The following ARHGAP32 variants were observed in gnomAD, a reference collection of about 807,000 sequenced individuals.
ARHGAP32 encodes rho GTPase-activating protein 32.
In ARHGAP32, 51 loss-of-function variants were observed where a neutral mutation model predicts 186.5. That is an observed-to-expected ratio of 0.27 (90% confidence interval 0.22 to 0.35). ARHGAP32 has a LOEUF of 0.35. ARHGAP32 is among the 10% of genes least tolerant of loss of function. The pLI is 1.00. For synonymous variants in ARHGAP32, 950 were observed against 964.3 expected (o/e 0.99, Z 0.27); for missense variants, 2,186 against 2,623.5 (o/e 0.83, Z 3.64).
At chr11:129,167,575 T>C (rs1565452951) in intron 1 of ARHGAP32, among the ~76,000 whole-genome samples, 1 of 152,188 alleles carries the variant, frequency 6.6e-6, no homozygotes, top group African/African-American at 2.4e-5. Context: ...ACCACAGGGA[T>C]AAACATTGAA....
intron 2 of ARHGAP32, among the ~76,000 whole-genome samples, chr11:129,154,066 A>G (rs1484352002): frequency 1.3e-5 from 2 of 152,172 alleles, no homozygotes; most frequent in Non-Finnish European, 2.9e-5. Flanking sequence ...CAAAGTAGGC[A>G]AAGAACATAA....
At chr11:129,094,139 AAAG>A (rs1468198533) in intron 5 of ARHGAP32, among the ~76,000 whole-genome samples, 1 of 152,088 alleles carries the variant, frequency 6.6e-6, no homozygotes, top group African/African-American at 2.4e-5. Flanking sequence ...AAATAAACAG[AAAG>A]AATGAAAAAG....
chr11:129,206,862 A>G (rs972852665), intron 1 of ARHGAP32, among the ~76,000 whole-genome samples: 3 of 151,802 alleles, frequency 2.0e-5, no homozygotes, highest in East Asian at 1.9e-4. Flanking sequence ...CCACCAACCC[A>G]TCATCTACAT....
chr11:129,265,281 A>T (rs1194260109), intron 1 of ARHGAP32, among the ~76,000 whole-genome samples: 2 of 152,184 alleles, frequency 1.3e-5, no homozygotes, highest in African/African-American at 2.4e-5. Flanking sequence ...TAAAACCTTG[A>T]CTACTCAGAA....
intron 1 of ARHGAP32, among the ~76,000 whole-genome samples, chr11:129,229,059 T>C (rs964414462): frequency 2.0e-5 from 3 of 152,200 alleles, no homozygotes; most frequent in African/African-American, 7.2e-5. Flanking sequence ...AGCCTTATGT[T>C]TTTTACAGAA....
chr11:129,058,219 ACACT>A (rs1369801991), intron 10 of ARHGAP32, among the ~76,000 whole-genome samples: 48 of 80,730 alleles, frequency 5.9e-4, no homozygotes, highest in African/African-American at 1.9e-3. Context: ...ACACACACAC[ACACT>A]CTCTCTCTCT....
chr11:129,205,332 T>A (rs532683318), intron 1 of ARHGAP32, among the ~76,000 whole-genome samples: 16 of 152,192 alleles, frequency 1.1e-4, no homozygotes, highest in Non-Finnish European at 2.1e-4. Flanking sequence ...ACATCACTGT[T>A]CTGACTTTGC....
chr11:129,193,570 A>T (rs1441450055), upstream of ARHGAP32, among the ~76,000 whole-genome samples: 10 of 11,872 alleles, frequency 8.4e-4, no homozygotes, highest in African/African-American at 2.6e-3. Context: ...ATTATATATA[A>T]TATATATATA....
Position 129,192,207 on chromosome 11 carries a change from T to C in ARHGAP32, c.-9A>G. The C allele has an allele frequency of 1.2e-6, 2 of 1,600,526 alleles. No homozygotes were observed. The highest frequency in any genetic ancestry group is 1.7e-6 in the Non-Finnish European group (2 of 1,170,360). On this transcript the variant is annotated 5_prime_UTR_variant, in exon 1 of 23. The change abolishes the stop of an existing upstream ORF in the 5' untranslated region. Transcript: ENST00000682385. ...TCACTTTCAGTCTCCATCTTGTACTTAAAAAACAAAAAAAACTAAACCTCC... is the reference window on the plus strand; with the variant it reads ...TCACTTTCAGTCTCCATCTTGTACTCAAAAAACAAAAAAAACTAAACCTCC...
At chr11:129,086,816 A>C (rs1168373369) in intron 6 of ARHGAP32, among the ~76,000 whole-genome samples, 2 of 134,142 alleles carry the variant, frequency 1.5e-5, no homozygotes, top group Non-Finnish European at 3.2e-5. Context: ...GTGAGACTCC[A>C]TCTCAAAAAA....
chr11:129,182,220 T>C (rs1030650682), intron 1 of ARHGAP32, among the ~76,000 whole-genome samples: 5 of 152,138 alleles, frequency 3.3e-5, no homozygotes, highest in Non-Finnish European at 7.4e-5. Context: ...TTACAAACAA[T>C]GCTACAATAA....
intron 10 of ARHGAP32, among the ~76,000 whole-genome samples, chr11:129,055,856 C>T (rs1029758663): frequency 1.6e-4 from 24 of 152,154 alleles, no homozygotes; most frequent in Admixed American, 1.4e-3. Flanking sequence ...CATGCTATTA[C>T]ACATTTGTCA....
At chr11:129,037,009 C>G (rs1442944158) in intron 11 of ARHGAP32, among the ~76,000 whole-genome samples, 1 of 152,110 alleles carries the variant, frequency 6.6e-6, no homozygotes, top group Non-Finnish European at 1.5e-5. Context: ...AACAGTTCAG[C>G]AAGGCTTCAA....
At chr11:129,118,830 T>G (rs918196710) in intron 5 of ARHGAP32, among the ~76,000 whole-genome samples, 7 of 151,996 alleles carry the variant, frequency 4.6e-5, no homozygotes, top group Non-Finnish European at 1.0e-4. Context: ...ACAGGTTAAC[T>G]TCACCAACAA....
chr11:129,019,904 G>T (rs905767486), intron 11 of ARHGAP32, among the ~76,000 whole-genome samples: 8 of 152,066 alleles, frequency 5.3e-5, no homozygotes, highest in Admixed American at 3.3e-4. Context: ...AGAATGTGGA[G>T]AGACAGTTTT....
At chr11:128,984,280 T>A (rs999850648) in intron 15 of ARHGAP32, among the ~76,000 whole-genome samples, 2 of 151,324 alleles carry the variant, frequency 1.3e-5, no homozygotes, top group Admixed American at 6.6e-5. Flanking sequence ...GGGGCTGAGG[T>A]GGGAGAATCA....
intron 2 of ARHGAP32, among the ~76,000 whole-genome samples, chr11:129,136,760 T>C (rs775953636): frequency 2.0e-5 from 3 of 152,056 alleles, no homozygotes; most frequent in Non-Finnish European, 4.4e-5. Context: ...TTGCAATAGA[T>C]AACAGAAAAA....
chr11:128,982,956 T>C (rs989707310), intron 15 of ARHGAP32, among the ~76,000 whole-genome samples: 1 of 142,982 alleles, frequency 7.0e-6, no homozygotes, highest in Non-Finnish European at 1.5e-5. Context: ...GGCTGTATTA[T>C]ATGAAACAGT....
At chr11:129,021,927 T>C (rs1351715613) in intron 11 of ARHGAP32, among the ~76,000 whole-genome samples, 3 of 152,030 alleles carry the variant, frequency 2.0e-5, no homozygotes, top group Non-Finnish European at 2.9e-5. Context: ...TAGATATAAA[T>C]TCCTGACACT....
Sources: gnomAD v4.1 joint callset for allele counts (sites outside exome capture counted in the v4.1 genomes callset) on GRCh38, gnomAD v4.1.1 for gene constraint, MANE v1.5 for transcripts, NCBI Gene and HGNC (gene_info 2026-07-23, HGNC 2026-07-21) for gene names.